The following BRD7 variants were observed in gnomAD, a reference collection of about 807,000 sequenced individuals.
The protein encoded by BRD7 is bromodomain containing 7, also known as bromodomain-containing protein 7.
Under a neutral mutation model 82.1 loss-of-function variants are expected in BRD7, and 15 were observed. The ratio of observed to expected loss-of-function variants is 0.18; its 90% confidence interval spans 0.12 to 0.28. BRD7 has a LOEUF of 0.28. BRD7 is among the 10% of genes least tolerant of loss of function. The pLI is 1.00. For missense variants in BRD7, 638 were observed against 779.9 expected (o/e 0.82, Z 2.17); for synonymous variants, 232 against 266.9 (o/e 0.87, Z 1.27).
At chr16:50,355,211 T>C (rs532357547) in intron 2 of BRD7, among the ~76,000 whole-genome samples, 18 of 152,274 alleles carry the variant, frequency 1.2e-4, no homozygotes, top group Middle Eastern at 3.4e-3. Flanking sequence ...CAAAACCTTT[T>C]GGGAAAAACT....
chr16:50,355,576 A>T (rs139697431), intron 2 of BRD7, among the ~76,000 whole-genome samples: 20 of 152,366 alleles, frequency 1.3e-4, no homozygotes, highest in African/African-American at 4.6e-4. Flanking sequence ...ATCTTAGTAT[A>T]TCACAGAGGT....
intron 16 of BRD7, 34 bp downstream of exon 16, chr16:50,319,853 C>T: frequency 6.2e-7 from 1 of 1,603,186 alleles, no homozygotes; most frequent in South Asian, 1.1e-5. Flanking sequence ...GTCACCATAG[C>T]TTTCTGCTTT....
intron 11 of BRD7, among the ~76,000 whole-genome samples, chr16:50,325,103 T>C (rs1828859124): frequency 6.6e-6 from 1 of 152,212 alleles, no homozygotes; most frequent in Non-Finnish European, 1.5e-5. Flanking sequence ...AGGAATAATA[T>C]CCAGTAAACT....
chr16:50,354,522 A>C, intron 3 of BRD7, 40 bp from the exon 4 acceptor site: 2 of 1,505,646 alleles, frequency 1.3e-6, no homozygotes, highest in Non-Finnish European at 1.8e-6. Context: ...TTTAAAAAGG[A>C]GTATTCTAGA....
intron 12 of BRD7, among the ~76,000 whole-genome samples, chr16:50,322,517 T>A (rs900771552): frequency 1.3e-5 from 2 of 152,202 alleles, no homozygotes; most frequent in African/African-American, 4.8e-5. Flanking sequence ...GACAAATATA[T>A]CATGGACATC....
chr16:50,320,110 C>T, intron 15 of BRD7, 80 bp from the exon 16 acceptor site: 1 of 1,515,302 alleles, frequency 6.6e-7, no homozygotes, highest in East Asian at 2.3e-5. Flanking sequence ...TAAATGTACA[C>T]ATGCAAAGAA....
At chr16:50,322,190 T>G in intron 12 of BRD7, 152 bp from the exon 13 acceptor site, 1 of 624,348 alleles carries the variant, frequency 1.6e-6, no homozygotes, top group Non-Finnish European at 2.8e-6. Flanking sequence ...TGACTAAATA[T>G]AATTATTAGC....
intron 4 of BRD7, among the ~76,000 whole-genome samples, chr16:50,352,484 T>C (rs1315652055): frequency 2.6e-5 from 4 of 152,206 alleles, no homozygotes; most frequent in African/African-American, 9.6e-5. Flanking sequence ...TTGGCTACTA[T>C]GAATAGCACT....
In BRD7 at chr16:50,319,964, G is replaced by T; in HGVS notation, c.1823C>A (p.Thr608Lys). ...QQVTPGDIVS[T>K]YGVRKAMGIS... ...CCCCATTGCTTTTCGAACTCCATAC[G>T]TGCTTACGATATCACCTGGAGTTAC... is the stretch of plus-strand genomic sequence containing the variant. The change falls in exon 16 of 17, where the codon ACG becomes AAG. Residue 608 changes from threonine (T) to lysine (K), a missense_variant. This residue lies in a region of BRD7 where 402 missense variants were observed against 500.8 expected (regional missense o/e 0.80). Coordinates refer to ENST00000394688, the MANE Select transcript of BRD7 (RefSeq NM_013263.5). 1 of 1,613,352 alleles carries T rather than the reference G, an allele frequency of 6.2e-7. No individual in the cohort carries two copies. The highest frequency in any genetic ancestry group is 8.5e-7 in the Non-Finnish European group (1 of 1,179,978).
intron 5 of BRD7, chr16:50,349,033 T>A (rs2038405574): frequency 6.5e-6 from 1 of 152,828 alleles, no homozygotes; most frequent in South Asian, 2.0e-4. Flanking sequence ...TAGACTGGAT[T>A]AAGAAAATGT....
chr16:50,368,377 C>T lies in BRD7; in HGVS notation c.50-79G>A, dbSNP rs1182732221. ...TCCAGGGAGTGCTAAGGATGCAGAG[C>T]GCCAAGGCGCAGCAAGCCCGAGGCG... is the stretch of plus-strand genomic sequence containing the variant. On this transcript the variant is annotated intron_variant, in intron 1 of 16. Transcript: ENST00000394688. 4 of 1,452,950 alleles carry T rather than the reference C, an allele frequency of 2.8e-6. No homozygotes were observed. In the East Asian group the frequency reaches 9.3e-5, roughly 34 times the overall value. 90.0% of individuals were successfully genotyped at this position (1,452,950 alleles called of 1,614,324 possible).
chr16:50,357,357 T>C (rs2038775767), intron 2 of BRD7, among the ~76,000 whole-genome samples: 1 of 152,254 alleles, frequency 6.6e-6, no homozygotes, highest in African/African-American at 2.4e-5. Context: ...AGAGCAGTTA[T>C]AAACTGAACT....
At chr16:50,364,332 C>T (rs2039054464) in intron 2 of BRD7, among the ~76,000 whole-genome samples, 1 of 152,168 alleles carries the variant, frequency 6.6e-6, no homozygotes, top group Admixed American at 6.5e-5. Flanking sequence ...ACTCCCTGGA[C>T]ATCCAGAACA....
At chr16:50,347,856 A>G (rs931723497) in intron 5 of BRD7, among the ~76,000 whole-genome samples, 7 of 152,224 alleles carry the variant, frequency 4.6e-5, no homozygotes, top group Non-Finnish European at 1.0e-4. Context: ...TATAGATTCA[A>G]TGCCATCCCC....
intron 5 of BRD7, among the ~76,000 whole-genome samples, chr16:50,341,832 G>C (rs1160850768): frequency 6.6e-6 from 1 of 151,336 alleles, no homozygotes; most frequent in Non-Finnish European, 1.5e-5. Flanking sequence ...AAGCCAATTT[G>C]TAGATTCCTT....
At chr16:50,346,535 A>G (rs2038291231) in intron 5 of BRD7, among the ~76,000 whole-genome samples, 2 of 152,246 alleles carry the variant, frequency 1.3e-5, no homozygotes, top group Non-Finnish European at 2.9e-5. Context: ...AAGACTAAGA[A>G]GAAAACAGAG....
chr16:50,331,131 C>G (rs1371506801), intron 8 of BRD7, among the ~76,000 whole-genome samples: 1 of 152,104 alleles, frequency 6.6e-6, no homozygotes, highest in East Asian at 1.9e-4. Flanking sequence ...GGTGAAAGAT[C>G]TCTAGAAGAA....
rs933736378 is a variant in BRD7, at chr16:50,316,734, G to A, written c.*2477C>T. ...GCTTCAACTTCCCAAGGAATTGAAA[G>A]TCAACCTAACTGTAACAACAGGGTG... On this transcript the variant is annotated 3_prime_UTR_variant, in exon 17 of 17. Transcript: ENST00000394688. 2 of 152,356 alleles carry A rather than the reference G, an allele frequency of 1.3e-5. No homozygotes were observed. The highest frequency in any genetic ancestry group is 4.8e-5 in the African/African-American group (2 of 41,442). 9.4% of individuals were successfully genotyped at this position (152,356 alleles called of 1,614,324 possible). A position where few individuals can be genotyped will look rare whatever the true frequency, so the allele number is the denominator to read the frequency against.
chr16:50,363,804 T>C (rs556252646), intron 2 of BRD7, among the ~76,000 whole-genome samples: 6 of 152,148 alleles, frequency 3.9e-5, no homozygotes, highest in Non-Finnish European at 7.4e-5. Flanking sequence ...CTTGTAATCC[T>C]AGTACTTTTG....
Sources: allele counts gnomAD v4.1 joint callset (sites outside exome capture counted in the v4.1 genomes callset), GRCh38; gene constraint gnomAD v4.1.1; regional missense constraint gnomAD v4.1.1; transcripts MANE v1.5; gene names NCBI Gene and HGNC (gene_info 2026-07-23, HGNC 2026-07-21).